PTPN18: variants seen among roughly 807,000 people sequenced by gnomAD.
PTPN18 encodes tyrosine-protein phosphatase non-receptor type 18.
Under a neutral mutation model 65.4 loss-of-function variants are expected in PTPN18, and 65 were observed. That is an observed-to-expected ratio of 0.99 (90% CI 0.81 to 1.22). The LOEUF is 1.22. PTPN18 is among the 50% of genes most tolerant of loss of function. The pLI is 0.00. For synonymous variants in PTPN18, 255 were observed against 267.8 expected, an observed-to-expected ratio of 0.95 and a Z score of 0.47; for missense variants, 616 against 646.5, an observed-to-expected ratio of 0.95 and a Z score of 0.51.
At chr2:130,362,218 C>A (rs1465727449) in intron 5 of PTPN18, 1 of 465,404 alleles carries the variant, frequency 2.1e-6, no homozygotes, top group African/African-American at 2.0e-5. Context: ...TGTCCTTCCA[C>A]CTCGGCCTCC....
At position 130,358,924 on chromosome 2, in the gene PTPN18, G is replaced by A. The variant is rs374051599; in HGVS notation, c.151G>A (p.Gly51Ser). 36 of 1,614,018 alleles carry A rather than the reference G, an allele frequency of 2.2e-5. No individual in the cohort carries two copies. The highest frequency in any genetic ancestry group is 1.3e-4 in the East Asian group (6 of 44,892). ...TGACGGCGTGTGCTCCACCGTGGCC[G>A]GCAGTCGGCCAGAGAACGTGAGGAA... ...KADGVCSTVA[G>S]SRPENVRKNR... The change falls in exon 2 of 15, where the codon GGC (glycine) becomes AGC (serine). Residue 51 changes from glycine to serine, a missense_variant. By Grantham distance (56) the Gly-to-Ser change is moderately conservative (BLOSUM62 0). Around this residue, in one of 3 missense-constraint regions of PTPN18, gnomAD observed 223 missense variants for 210.0 expected, o/e 1.06. Coordinates refer to ENST00000175756, the MANE Select transcript of PTPN18 (RefSeq NM_014369.4).
At chr2:130,361,902 A>G (rs1680228456) in intron 5 of PTPN18, among the ~76,000 whole-genome samples, 1 of 151,678 alleles carries the variant, frequency 6.6e-6, no homozygotes, top group Non-Finnish European at 1.5e-5. Flanking sequence ...ATTTCTTTAG[A>G]GTTTGCATAT....
In PTPN18 at chr2:130,358,719, T is replaced by C. The variant is rs572418558; in HGVS notation, c.94-148T>C. The C allele has an allele frequency of 2.7e-4, 170 of 640,586 alleles. 2 individuals carry two copies. The South Asian group carries it at 3.2e-3, about 12-fold the overall frequency. The allele number at this position is 640,586 out of a possible 1,614,324, so 39.7% of individuals were successfully genotyped here. A position where few individuals can be genotyped will look rare whatever the true frequency, so the allele number is the denominator to read the frequency against. Reference sequence around the variant, plus strand: ...GTCACTATTTCGGTATCATTATTATTAGGCAGGCCCAGTGCCATCAGGGTC... The same window carrying C: ...GTCACTATTTCGGTATCATTATTATCAGGCAGGCCCAGTGCCATCAGGGTC... On this transcript the variant is annotated intron_variant, in intron 1 of 14. Transcript: ENST00000175756.
chr2:130,372,269 G>A lies in PTPN18; in HGVS notation c.1026G>A (p.Val342=). ...PPGGVLRSIS[V]PGSPGHAMAD... ...TCCCTGCCTGCAGGAGCATCTCTGTGCCCGGGTCCCCGGGCCACGCCATGG... is the reference window on the plus strand; with the variant it reads ...TCCCTGCCTGCAGGAGCATCTCTGTACCCGGGTCCCCGGGCCACGCCATGG... Residue 342 remains valine, a synonymous_variant, in exon 13 of 15, where the codon GTG becomes GTA. Transcript: ENST00000175756. 1 of 1,570,482 alleles carries A rather than the reference G, an allele frequency of 6.4e-7. No homozygotes were observed. Among genetic ancestry groups the A allele is most frequent in the Non-Finnish European group, 8.6e-7 (1 of 1,167,010 alleles).
At position 130,366,650 on chromosome 2, in the gene PTPN18, G is replaced by T. The variant is rs940602557; in HGVS notation, c.415-2483G>T. ...AATGGTTCCTCTCAGTTTTTTGCAA[G>T]AGTTTGTGAAAGGCTGGTATTAATT... On this transcript the variant is annotated intron_variant, in intron 5 of 14. Coordinates refer to ENST00000175756, the MANE Select transcript of PTPN18 (RefSeq NM_014369.4). Among the ~76,000 whole-genome samples, 6 of 152,122 alleles carry T rather than the reference G, an allele frequency of 3.9e-5. No individual in the cohort carries two copies. In the East Asian group the frequency reaches 1.2e-3, roughly 29 times the overall value.
chr2:130,356,314 C>A, intron 1 of PTPN18, 114 bp downstream of exon 1: 1 of 724,284 alleles, frequency 1.4e-6, no homozygotes, highest in Non-Finnish European at 2.0e-6. Context: ...GGTGTCTCCC[C>A]GCCTCGGGGG....
At chr2:130,370,269 G>C in intron 8 of PTPN18, 79 bp downstream of exon 8, 1 of 1,571,720 alleles carries the variant, frequency 6.4e-7, no homozygotes, top group Non-Finnish European at 8.6e-7. Flanking sequence ...CATGGGGCTA[G>C]TCTTGTAGTC....
intron 1 of PTPN18, 32 bp downstream of exon 1, chr2:130,356,232 GC>G (rs1209838594): frequency 7.8e-7 from 1 of 1,288,130 alleles, no homozygotes. Flanking sequence ...CGAGCGGCGC[GC>G]CCCGGCCCTG....
At chr2:130,358,148 C>A (rs1369406647) in intron 1 of PTPN18, among the ~76,000 whole-genome samples, 1 of 152,170 alleles carries the variant, frequency 6.6e-6, no homozygotes, top group East Asian at 1.9e-4. Flanking sequence ...GGAATCACTG[C>A]GCTCTTCTAG....
chr2:130,369,258 C>A, intron 6 of PTPN18, 57 bp downstream of exon 6: 1 of 1,502,810 alleles, frequency 6.7e-7, no homozygotes, highest in Non-Finnish European at 9.2e-7. Context: ...TTGGGTTGGG[C>A]CTAAAAGGTT....
chr2:130,372,941 G>A lies in PTPN18; in HGVS notation c.1309G>A (p.Gly437Arg). ...CGTGGCGGGTGGAGCTCAGACCGGT[G>A]GGCTAGGTAAGTCAGGTAGAGCCTG... ...EDVAGGAQTG[G>R]LGFNLRIGRP... Residue 437 changes from glycine to arginine, a missense_variant, in exon 14 of 15, where the codon GGG becomes AGG. Transcript: ENST00000175756. 1 of 1,614,158 alleles carries A rather than the reference G, an allele frequency of 6.2e-7. No individual in the cohort carries two copies. The highest frequency in any genetic ancestry group is 8.5e-7 in the Non-Finnish European group (1 of 1,180,028).
chr2:130,362,189 C>T lies in PTPN18; in HGVS notation c.414+2543C>T, dbSNP rs368413337. On this transcript the variant is annotated intron_variant, in intron 5 of 14. Coordinates refer to ENST00000175756, the MANE Select transcript of PTPN18 (RefSeq NM_014369.4). ...TCTCACGTATAATCCAGGCTGGTCT[C>T]GAACTCCTGGCCTCAAGCTGTCCTT... 60 of 468,588 alleles carry T rather than the reference C, an allele frequency of 1.3e-4. 3 individuals carry two copies. The highest frequency in any genetic ancestry group is 9.0e-4 in the African/African-American group (45 of 49,998). 29.0% of individuals were successfully genotyped at this position (468,588 alleles called of 1,614,324 possible). A position where few individuals can be genotyped will look rare whatever the true frequency, so the allele number is the denominator to read the frequency against.
intron 5 of PTPN18, among the ~76,000 whole-genome samples, chr2:130,364,053 T>G (rs561942323): frequency 1.3e-5 from 2 of 152,300 alleles, no homozygotes; most frequent in African/African-American, 4.8e-5. Flanking sequence ...ATTTGCCAGT[T>G]TATAGGTGCT....
intron 5 of PTPN18, among the ~76,000 whole-genome samples, chr2:130,364,739 T>A (rs1396046585): frequency 6.6e-6 from 1 of 152,202 alleles, no homozygotes; most frequent in Non-Finnish European, 1.5e-5. Context: ...GAGCTTGCAG[T>A]GAGCCGAGAT....
Position 130,372,876 on chromosome 2 carries a change from C to T in PTPN18, c.1244C>T (p.Pro415Leu). ...DARGTLPGRV[P>L]ADQSPAGSGA... ...GTGGGGGGTCTGCTGCCCTCAGTTC[C>T]TGCTGACCAAAGTCCTGCCGGATCT... The change falls in exon 14 of 15, where the codon CCT becomes CTT. Residue 415 changes from proline (P) to leucine (L), a missense_variant. Pro to Leu is a moderately conservative substitution (Grantham distance 98). This residue lies in a region of PTPN18 where 368 missense variants were observed against 386.7 expected (regional missense o/e 0.95). Coordinates refer to ENST00000175756, the MANE Select transcript of PTPN18 (RefSeq NM_014369.4). 4 of 1,614,182 alleles carry T rather than the reference C, an allele frequency of 2.5e-6. No individual in the cohort carries two copies. The highest frequency in any genetic ancestry group is 2.2e-5 in the East Asian group (1 of 44,882).
chr2:130,358,983 G>T lies in PTPN18; in HGVS notation c.202+8G>T, dbSNP rs767525707. ...ACAAAGACGTGCTGCCTTGTAAGTC[G>T]GGGCTTCCGTAGGGAGTCGGTGCAG... On this transcript the variant is annotated splice_region_variant and intron_variant, in intron 2 of 14. Transcript: ENST00000175756. The T allele has an allele frequency of 6.2e-7, 1 of 1,613,212 alleles. No individual in the cohort carries two copies. Among genetic ancestry groups the T allele is most frequent in the East Asian group, 2.2e-5 (1 of 44,876 alleles).
At chr2:130,366,127 T>G (rs953084317) in intron 5 of PTPN18, among the ~76,000 whole-genome samples, 1 of 152,194 alleles carries the variant, frequency 6.6e-6, no homozygotes, top group Non-Finnish European at 1.5e-5. Flanking sequence ...CCTGTAAGGT[T>G]GACTCTTGGG....
In PTPN18 at chr2:130,373,080, G is replaced by A. The variant is rs1389814479; in HGVS notation, c.1316-77G>A. Reference sequence around the variant, plus strand: ...AACCAGGAGGACCTGGAGGCGGGGGGATGGCCTTCTTCATGTCTGCCAGCT... The same window carrying A: ...AACCAGGAGGACCTGGAGGCGGGGGAATGGCCTTCTTCATGTCTGCCAGCT... On this transcript the variant is annotated intron_variant, in intron 14 of 14. Transcript: ENST00000175756. This position sits in a 1 kb window ranked among gnomAD's most constrained non-coding sequence, Gnocchi z 4.1. 5.8e-6 allele frequency: 9 copies of A among 1,543,334 alleles called. No homozygotes were observed. The highest frequency in any genetic ancestry group is 7.1e-6 in the Non-Finnish European group (8 of 1,131,160).
At chr2:130,367,318 A>G (rs1197390581) in intron 5 of PTPN18, among the ~76,000 whole-genome samples, 1 of 152,130 alleles carries the variant, frequency 6.6e-6, no homozygotes, top group East Asian at 1.9e-4. Flanking sequence ...AAATGTTGCT[A>G]TAATTCTTAA....
Sources: gnomAD v4.1 joint callset for allele counts (sites outside exome capture counted in the v4.1 genomes callset) on GRCh38, gnomAD v4.1.1 for gene constraint, gnomAD v4.1.1 regional missense constraint, Gnocchi (gnomAD v3.1) non-coding constraint, MANE v1.5 for transcripts, NCBI Gene and HGNC (gene_info 2026-07-23, HGNC 2026-07-21) for gene names.